Variants in ETV6 observed in about 807,000 individuals in gnomAD.
ETV6 encodes ETS variant transcription factor 6.
Under a neutral mutation model 51.1 loss-of-function variants are expected in ETV6, and 16 were observed. The ratio of observed to expected loss-of-function variants is 0.31; its 90% CI spans 0.21 to 0.48. The LOEUF (loss-of-function observed/expected upper bound fraction) is 0.48, where lower values mean the gene tolerates loss of function less well. Ranked by LOEUF, ETV6 falls within the 20% of genes least tolerant of loss-of-function variation. The probability of loss-of-function intolerance (pLI) is 0.99; values close to 1 mark genes in which losing one functional copy is unlikely to be tolerated. For synonymous variants in ETV6, 240 were observed against 224.1 expected (o/e 1.07, Z -0.64); for missense variants, 458 against 594.8 (o/e 0.77, Z 2.39).
intron 2 of ETV6, among the ~76,000 whole-genome samples, chr12:11,778,683 G>T (rs1945370172): frequency 6.6e-6 from 1 of 151,910 alleles, no homozygotes; most frequent in African/African-American, 2.4e-5. Flanking sequence ...AGAGCTCTTA[G>T]TTTTTCTTTC....
chr12:11,659,464 T>C (rs1326441098), intron 1 of ETV6, among the ~76,000 whole-genome samples: 1 of 152,174 alleles, frequency 6.6e-6, no homozygotes, highest in East Asian at 1.9e-4. Context: ...TCCTCTGATC[T>C]TCTCCTGGAA....
intron 1 of ETV6, among the ~76,000 whole-genome samples, chr12:11,715,055 C>T (rs544496609): frequency 1.9e-4 from 29 of 152,088 alleles, no homozygotes; most frequent in African/African-American, 6.5e-4. Context: ...ATGTGGAGAT[C>T]GTTTTGAGAT....
At chr12:11,678,672 G>A (rs1301539474) in intron 1 of ETV6, among the ~76,000 whole-genome samples, 2 of 152,146 alleles carry the variant, frequency 1.3e-5, no homozygotes, top group Non-Finnish European at 2.9e-5. Flanking sequence ...ATTGGCTCAC[G>A]TGATTATGGA....
At position 11,882,230 on chromosome 12, in the gene ETV6, A is replaced by G. The variant is rs142695150; in HGVS notation, c.1010-2215A>G. ...GTTCCTTGAAAGATTAAGCTTCTGG[A>G]AAATGCCACAGTTTTCTGCCAGTGT... On this transcript the variant is annotated intron_variant, in intron 5 of 7. Coordinates refer to ENST00000396373, the MANE Select transcript of ETV6 (RefSeq NM_001987.5). Among the ~76,000 whole-genome samples, 115 of 152,366 alleles carry G rather than the reference A, an allele frequency of 7.5e-4. 1 individual carries two copies. Among genetic ancestry groups the G allele is most frequent in the Admixed American group, 5.2e-3 (79 of 15,310 alleles).
At chr12:11,821,847 C>G (rs1946085790) in intron 2 of ETV6, among the ~76,000 whole-genome samples, 1 of 152,166 alleles carries the variant, frequency 6.6e-6, no homozygotes, top group Non-Finnish European at 1.5e-5. Flanking sequence ...GATTCTGTCT[C>G]TTAAAAACAA....
At chr12:11,684,250 C>T (rs566502056) in intron 1 of ETV6, among the ~76,000 whole-genome samples, 1 of 152,302 alleles carries the variant, frequency 6.6e-6, no homozygotes, top group South Asian at 2.1e-4. Flanking sequence ...GGCAGATAAA[C>T]CAGTGCCTCT....
chr12:11,763,029 G>GT (rs58106581), intron 2 of ETV6, among the ~76,000 whole-genome samples: 3,112 of 152,234 alleles, frequency 0.02, 105 homozygotes, highest in African/African-American at 0.065. Flanking sequence ...CCCTAAGGTG[G>GT]TGCAGGTTCC....
chr12:11,886,235 C>T (rs1947180807), intron 7 of ETV6, among the ~76,000 whole-genome samples: 1 of 152,132 alleles, frequency 6.6e-6, no homozygotes, highest in Non-Finnish European at 1.5e-5. Context: ...AAAGCCAAAA[C>T]TAAATGAACA....
In ETV6 at chr12:11,852,235, G is replaced by A. The variant is rs1219913458; in HGVS notation, c.329-1192G>A. On this transcript the variant is annotated intron_variant, in intron 3 of 7. Transcript: ENST00000396373. The stretch of plus-strand genomic sequence containing the variant: ...TTTGTTTATTTTTTGCTAATTACTC[G>A]TGGACACTTCAAATACCAAATATAT... Among the ~76,000 whole-genome samples the A allele has an allele frequency of 3.9e-5, 6 of 152,280 alleles. No homozygotes were observed. The South Asian group carries it at 6.2e-4, about 16-fold the overall frequency.
intron 2 of ETV6, among the ~76,000 whole-genome samples, chr12:11,838,755 T>G (rs531848536): frequency 6.6e-6 from 1 of 152,216 alleles, no homozygotes; most frequent in Admixed American, 6.5e-5. Flanking sequence ...TGAGCCCCTG[T>G]GGGTGCTGTG....
Position 11,854,117 on chromosome 12 carries a change from G to A in ETV6, c.463+556G>A, listed in dbSNP as rs186036475. ...CCTGCAACTAGACGTTCCCATCTGG[G>A]GGTGATGGGAGACAGTGACAGATCA... On this transcript the variant is annotated intron_variant, in intron 4 of 7. Transcript: ENST00000396373. 1.8e-3 allele frequency among the ~76,000 whole-genome samples: 280 copies of A among 152,196 alleles called. 1 individual carries two copies. The highest frequency in any genetic ancestry group is 6.5e-3 in the African/African-American group (270 of 41,500).
intron 1 of ETV6, among the ~76,000 whole-genome samples, chr12:11,725,892 G>A (rs542805521): frequency 1.3e-5 from 2 of 152,180 alleles, no homozygotes; most frequent in Non-Finnish European, 2.9e-5. Flanking sequence ...GCAGATGCTA[G>A]GGCCATGCTT....
intron 1 of ETV6, among the ~76,000 whole-genome samples, chr12:11,667,959 C>T (rs1864227864): frequency 2.0e-5 from 3 of 152,098 alleles, no homozygotes; most frequent in Admixed American, 6.5e-5. Flanking sequence ...TTCGGCCTCC[C>T]AAAGTGCTGG....
chr12:11,751,248 C>T (rs780059059), intron 1 of ETV6: 203 of 481,558 alleles, frequency 4.2e-4, no homozygotes, highest in Non-Finnish European at 7.6e-4. Context: ...TCCCTTTGCA[C>T]ATTTGATGAG....
chr12:11,891,426 C>A lies in ETV6; in HGVS notation c.*380C>A. ...TCATCGTTCATCTAGGGGAAGACAT[C>A]TGATGTTGTTTTCCTATGGAAATAT... On this transcript the variant is annotated 3_prime_UTR_variant, in exon 8 of 8. Transcript: ENST00000396373. The A allele has an allele frequency of 2.8e-6, 1 of 360,464 alleles. No individual in the cohort carries two copies. Among genetic ancestry groups the A allele is most frequent in the South Asian group, 3.4e-5 (1 of 29,022 alleles). 22.3% of individuals were successfully genotyped at this position (360,464 alleles called of 1,614,324 possible).
intron 1 of ETV6, among the ~76,000 whole-genome samples, chr12:11,667,696 A>AT (rs34458275): frequency 0.35 from 25,729 of 72,882 alleles, 6,234 homozygotes; most frequent in Middle Eastern, 0.56. Context: ...TACCTGGCTA[A>AT]TTTTTTTTTT....
At chr12:11,784,116 G>A (rs948791412) in intron 2 of ETV6, among the ~76,000 whole-genome samples, 4 of 152,184 alleles carry the variant, frequency 2.6e-5, no homozygotes, top group South Asian at 2.1e-4. Flanking sequence ...CACCTGCTAT[G>A]TGCCAAGTGT....
intron 2 of ETV6, among the ~76,000 whole-genome samples, chr12:11,799,425 G>T (rs113689365): frequency 1.3e-5 from 2 of 152,178 alleles, no homozygotes; most frequent in African/African-American, 4.8e-5. Context: ...CAACTGTTTG[G>T]AATCTCTTGA....
intron 2 of ETV6, among the ~76,000 whole-genome samples, chr12:11,775,603 A>G (rs1298682777): frequency 6.6e-6 from 1 of 152,162 alleles, no homozygotes; most frequent in Non-Finnish European, 1.5e-5. Context: ...TTTACAATCT[A>G]GAGGGGAGAC....
Sources: gnomAD v4.1 joint callset for allele counts (sites outside exome capture counted in the v4.1 genomes callset) on GRCh38, gnomAD v4.1.1 for gene constraint, MANE v1.5 for transcripts, NCBI Gene and HGNC (gene_info 2026-07-23, HGNC 2026-07-21) for gene names.